The following PTPRQ variants were observed in gnomAD, a reference collection of about 807,000 sequenced individuals.
The protein encoded by PTPRQ is phosphatidylinositol phosphatase PTPRQ.
A neutral mutation model predicts 246.0 loss-of-function variants in PTPRQ; 199 were observed. The ratio of observed to expected loss-of-function variants is 0.81; its 90% CI spans 0.72 to 0.91. The LOEUF is 0.91. PTPRQ is among the 40% of genes least tolerant of loss of function. PTPRQ has a pLI of 0.00. For missense variants in PTPRQ, 2,624 were observed against 2,528.4 expected, an observed-to-expected ratio of 1.04 and a Z score of -0.81; for synonymous variants, 869 against 853.2, an observed-to-expected ratio of 1.02 and a Z score of -0.32.
At chr12:80,572,331 AAC>A (rs1232350875) in intron 25 of PTPRQ, among the ~76,000 whole-genome samples, 25 of 152,112 alleles carry the variant, frequency 1.6e-4, no homozygotes, top group African/African-American at 2.4e-4. Flanking sequence ...AAAATACAGA[AAC>A]ACAATCAATT....
At chr12:80,541,912 T>A in intron 21 of PTPRQ, 67 bp downstream of exon 21, 1 of 1,470,492 alleles carries the variant, frequency 6.8e-7, no homozygotes, top group Non-Finnish European at 9.0e-7. Flanking sequence ...TGCTTTCTGA[T>A]AGGAAATAGT....
chr12:80,481,725 C>G (rs979784840), intron 8 of PTPRQ, among the ~76,000 whole-genome samples: 2 of 152,062 alleles, frequency 1.3e-5, no homozygotes, highest in South Asian at 4.1e-4. Flanking sequence ...TTCTTATACA[C>G]CAACAACAGA....
chr12:80,621,911 C>G (rs1899005972), intron 32 of PTPRQ, 150 bp from the exon 33 acceptor site: 1 of 521,766 alleles, frequency 1.9e-6, no homozygotes, highest in Admixed American at 4.8e-5. Flanking sequence ...GCATATATTT[C>G]TCCTGATGAT....
chr12:80,537,059 C>T (rs944906353), intron 19 of PTPRQ, among the ~76,000 whole-genome samples: 1 of 152,136 alleles, frequency 6.6e-6, no homozygotes, highest in Non-Finnish European at 1.5e-5. Context: ...TGCAATTCAT[C>T]TGCCTTAGAA....
At chr12:80,472,913 C>A (rs1177993226) in intron 8 of PTPRQ, among the ~76,000 whole-genome samples, 2 of 151,984 alleles carry the variant, frequency 1.3e-5, no homozygotes, top group East Asian at 3.8e-4. Flanking sequence ...TAATTATGGA[C>A]AAAAATAACA....
At chr12:80,563,597 G>A (rs1044081872) in intron 25 of PTPRQ, among the ~76,000 whole-genome samples, 1 of 152,176 alleles carries the variant, frequency 6.6e-6, no homozygotes, top group Non-Finnish European at 1.5e-5. Flanking sequence ...GTCTGTTATT[G>A]CCAGGTAGGG....
At chr12:80,546,526 T>C (rs768772189) in intron 23 of PTPRQ, 30 bp from the exon 24 acceptor site, 2 of 1,532,408 alleles carry the variant, frequency 1.3e-6, no homozygotes, top group South Asian at 1.3e-5. Flanking sequence ...TGACAGTGCA[T>C]TAACTAATAA....
At chr12:80,503,172 G>T (rs756148047) in intron 14 of PTPRQ, among the ~76,000 whole-genome samples, 2 of 151,780 alleles carry the variant, frequency 1.3e-5, no homozygotes, top group Admixed American at 1.3e-4. Context: ...ATACCCAAGA[G>T]GGCTAAACTG....
intron 30 of PTPRQ, among the ~76,000 whole-genome samples, chr12:80,618,191 T>C (rs991616958): frequency 2.6e-5 from 4 of 151,494 alleles, no homozygotes; most frequent in Non-Finnish European, 5.9e-5. Context: ...GATTCAAATG[T>C]TGATAGTTAT....
chr12:80,478,221 C>A (rs987991129), intron 8 of PTPRQ, among the ~76,000 whole-genome samples: 2 of 150,054 alleles, frequency 1.3e-5, no homozygotes, highest in East Asian at 1.9e-4. Flanking sequence ...GGTCCCTGAC[C>A]CCTGACCCCC....
chr12:80,621,818 C>T (rs932509545), intron 32 of PTPRQ, among the ~76,000 whole-genome samples: 3 of 151,920 alleles, frequency 2.0e-5, no homozygotes, highest in East Asian at 1.9e-4. Context: ...TAACTGCTCA[C>T]GAGTTTACCA....
chr12:80,456,751 T>G lies in PTPRQ; in HGVS notation c.391-824T>G, dbSNP rs562151723. On this transcript the variant is annotated intron_variant, in intron 3 of 44. Coordinates refer to ENST00000644991, the MANE Select transcript of PTPRQ (RefSeq NM_001145026.2). Reference sequence around the variant, plus strand: ...GCAGAATTCCAAAGGGTATTTGGCATGATACATTTGATGTCTTCAGTGTAA... The same window carrying G: ...GCAGAATTCCAAAGGGTATTTGGCAGGATACATTTGATGTCTTCAGTGTAA... Among the ~76,000 whole-genome samples, 8 of 152,308 alleles carry G rather than the reference T, an allele frequency of 5.3e-5. No homozygotes were observed. The South Asian group carries it at 8.3e-4, about 16-fold the overall frequency.
At chr12:80,449,640 C>T (rs1176654553) in intron 3 of PTPRQ, among the ~76,000 whole-genome samples, 3 of 151,864 alleles carry the variant, frequency 2.0e-5, no homozygotes, top group Non-Finnish European at 4.4e-5. Flanking sequence ...GGAATCCCTT[C>T]CCCATTGCTT....
At position 80,546,594 on chromosome 12, in the gene PTPRQ, A is replaced by C. The variant is rs1203144869; in HGVS notation, c.3912A>C (p.Gly1304=). The part of the protein sequence containing the change: ...SGFKTEAKLV[G]LEPVSTYSIR... The stretch of plus-strand genomic sequence containing the variant: ...TTAAAACTGAAGCCAAACTTGTTGG[A>C]CTGGAACCAGTCAGCACCTACTCTA... The change falls in exon 24 of 45, where the codon GGA becomes GGC. Residue 1304 remains glycine, a synonymous_variant. Transcript: ENST00000644991. 4 of 1,549,970 alleles carry C rather than the reference A, an allele frequency of 2.6e-6. No homozygotes were observed. Among genetic ancestry groups the C allele is most frequent in the Non-Finnish European group, 3.5e-6 (4 of 1,146,572 alleles).
chr12:80,607,781 A>G (rs1898382781), intron 27 of PTPRQ, among the ~76,000 whole-genome samples: 1 of 150,850 alleles, frequency 6.6e-6, no homozygotes, highest in Admixed American at 6.6e-5. Flanking sequence ...TAAAATGTAA[A>G]TATCATCCTA....
intron 25 of PTPRQ, among the ~76,000 whole-genome samples, chr12:80,560,107 C>T (rs1437248261): frequency 6.6e-6 from 1 of 152,160 alleles, no homozygotes; most frequent in East Asian, 1.9e-4. Flanking sequence ...GTGACTCTTC[C>T]CAAGTAAGAG....
chr12:80,641,212 C>G (rs1284226491), intron 35 of PTPRQ, among the ~76,000 whole-genome samples: 1 of 152,186 alleles, frequency 6.6e-6, no homozygotes, highest in Admixed American at 6.5e-5. Flanking sequence ...CTGGCACAAA[C>G]ATTTTTTGTT....
chr12:80,624,371 G>A (rs1174038446), intron 33 of PTPRQ, among the ~76,000 whole-genome samples: 1 of 152,186 alleles, frequency 6.6e-6, no homozygotes, highest in African/African-American at 2.4e-5. Context: ...CTTTTAGGTT[G>A]CTCCTTAGAG....
At chr12:80,605,729 G>T (rs557331266) in intron 27 of PTPRQ, among the ~76,000 whole-genome samples, 1 of 150,980 alleles carries the variant, frequency 6.6e-6, no homozygotes, top group East Asian at 2.0e-4. Flanking sequence ...AAGTCTTTTG[G>T]CAATCCCAGG....
Sources: gnomAD v4.1 joint callset for allele counts (sites outside exome capture counted in the v4.1 genomes callset) on GRCh38, gnomAD v4.1.1 for gene constraint, MANE v1.5 for transcripts, NCBI Gene and HGNC (gene_info 2026-07-23, HGNC 2026-07-21) for gene names.